BCAT1: variants seen among roughly 807,000 people sequenced by gnomAD.
BCAT1 encodes the protein branched chain amino acid transaminase 1, also known as branched-chain-amino-acid aminotransferase, cytosolic.
BCAT1 carries 48 observed loss-of-function variants against 52.4 expected under a neutral mutation model. That is an observed-to-expected ratio of 0.92 (90% CI 0.73 to 1.16). The LOEUF (loss-of-function observed/expected upper bound fraction) is 1.16. Among genes scored for constraint, BCAT1 ranks in the 50% most tolerant of loss-of-function variants. BCAT1 has a pLI of 0.00. For missense variants in BCAT1, 451 were observed against 457.1 expected, an observed-to-expected ratio of 0.99 and a Z score of 0.12; for synonymous variants, 167 against 161.3, an observed-to-expected ratio of 1.04 and a Z score of -0.27.
At chr12:24,861,729 T>C (rs1355430989) in intron 5 of BCAT1, among the ~76,000 whole-genome samples, 1 of 152,164 alleles carries the variant, frequency 6.6e-6, no homozygotes, top group Non-Finnish European at 1.5e-5. Flanking sequence ...AGGGGATAGA[T>C]AAAATGAGCT....
At chr12:24,829,977 G>T (rs2139370773) in intron 9 of BCAT1, 80 bp from the exon 10 acceptor site, 1 of 1,057,856 alleles carries the variant, frequency 9.5e-7, no homozygotes, top group Non-Finnish European at 1.4e-6. Flanking sequence ...AAGCAATTCT[G>T]CTATACTAAG....
At chr12:24,826,736 A>T (rs546212597) in intron 10 of BCAT1, among the ~76,000 whole-genome samples, 1 of 152,304 alleles carries the variant, frequency 6.6e-6, no homozygotes, top group South Asian at 2.1e-4. Context: ...TAGTATAGTC[A>T]TTTTAACAAA....
At chr12:24,822,380 T>C (rs1940175407) in intron 10 of BCAT1, among the ~76,000 whole-genome samples, 1 of 152,244 alleles carries the variant, frequency 6.6e-6, no homozygotes, top group African/African-American at 2.4e-5. Context: ...TGAGCCATAC[T>C]GGCAAGAATC....
intron 2 of BCAT1, among the ~76,000 whole-genome samples, chr12:24,895,129 A>G (rs571818897): frequency 1.7e-3 from 253 of 152,318 alleles, no homozygotes; most frequent in Non-Finnish European, 2.6e-3. Flanking sequence ...AGTAATAGGA[A>G]ACAACTCCCC....
chr12:24,842,050 G>A, intron 7 of BCAT1, 32 bp downstream of exon 7: 1 of 1,609,160 alleles, frequency 6.2e-7, no homozygotes, highest in Non-Finnish European at 8.5e-7. Flanking sequence ...AAATGACTGA[G>A]AAATGCACAC....
At chr12:24,866,578 C>T (rs931858265) in intron 5 of BCAT1, among the ~76,000 whole-genome samples, 2 of 152,232 alleles carry the variant, frequency 1.3e-5, no homozygotes, top group African/African-American at 2.4e-5. Context: ...CTAGTGGGGA[C>T]TTGGAGAATC....
At position 24,812,070 on chromosome 12, in the gene BCAT1, T is replaced by C. The variant is rs534836829; in HGVS notation, c.*5938A>G. 6.6e-6 allele frequency: 1 copy of C among 152,234 alleles called. No individual in the cohort carries two copies. Among genetic ancestry groups the C allele is most frequent in the South Asian group, 2.1e-4 (1 of 4,828 alleles). 9.4% of individuals were successfully genotyped at this position (152,234 alleles called of 1,614,324 possible). On this transcript the variant is annotated 3_prime_UTR_variant, in exon 11 of 11. Coordinates refer to ENST00000261192, the MANE Select transcript of BCAT1 (RefSeq NM_005504.7). ...GAATTTAGAAATGCATCCAGATTTG[T>C]GAGTTTATTTTTAAGACCTGACTAA...
chr12:24,913,931 G>A (rs1474240712), intron 1 of BCAT1, among the ~76,000 whole-genome samples: 1 of 152,100 alleles, frequency 6.6e-6, no homozygotes, highest in Non-Finnish European at 1.5e-5. Flanking sequence ...TTTTATGGTT[G>A]GCTTTGGGGA....
chr12:24,835,310 T>C (rs908446283), intron 8 of BCAT1, among the ~76,000 whole-genome samples: 2 of 152,188 alleles, frequency 1.3e-5, no homozygotes, highest in African/African-American at 4.8e-5. Flanking sequence ...TTTGAAAGTC[T>C]TTTCCAGAGA....
intron 1 of BCAT1, among the ~76,000 whole-genome samples, chr12:24,917,195 C>CTTTTTTTTTTT: frequency 9.7e-6 from 1 of 103,556 alleles, no homozygotes; most frequent in Non-Finnish European, 1.8e-5. Flanking sequence ...GAGCTTTGGA[C>CTTTTTTTTTTT]TTTTTTTTTT....
intron 1 of BCAT1, among the ~76,000 whole-genome samples, chr12:24,911,441 G>A (rs886437909): frequency 5.9e-5 from 9 of 152,202 alleles, no homozygotes; most frequent in Admixed American, 3.3e-4. Flanking sequence ...GACCCTGCTC[G>A]AAGTTTGTGA....
chr12:24,915,721 C>G (rs1943395881), intron 1 of BCAT1, among the ~76,000 whole-genome samples: 1 of 152,158 alleles, frequency 6.6e-6, no homozygotes, highest in Non-Finnish European at 1.5e-5. Flanking sequence ...TTACCCATGC[C>G]TAGGAGATAA....
intron 5 of BCAT1, among the ~76,000 whole-genome samples, chr12:24,876,311 T>C (rs1372705227): frequency 1.4e-5 from 2 of 145,692 alleles, no homozygotes; most frequent in African/African-American, 5.0e-5. Context: ...TAGATCAATA[T>C]ATTTCATGAA....
At chr12:24,948,791 G>T in intron 1 of BCAT1, 136 bp downstream of exon 1, 1 of 949,856 alleles carries the variant, frequency 1.1e-6, no homozygotes, top group Non-Finnish European at 1.6e-6. Flanking sequence ...AGAAGATACT[G>T]AGACGTTTGC....
chr12:24,882,993 A>C (rs1942544701), intron 3 of BCAT1, among the ~76,000 whole-genome samples: 1 of 152,150 alleles, frequency 6.6e-6, no homozygotes, highest in African/African-American at 2.4e-5. Flanking sequence ...AAGATAAAAA[A>C]GGCAACTTCA....
intron 1 of BCAT1, among the ~76,000 whole-genome samples, chr12:24,939,330 T>G (rs1943815592): frequency 6.6e-6 from 1 of 152,208 alleles, no homozygotes; most frequent in Non-Finnish European, 1.5e-5. Flanking sequence ...TAGCCATTGT[T>G]TGCTGGTCAT....
At chr12:24,948,880 T>A in intron 1 of BCAT1, 47 bp downstream of exon 1, 1 of 1,577,552 alleles carries the variant, frequency 6.3e-7, no homozygotes, top group Non-Finnish European at 8.6e-7. Context: ...CCGGTTCGAT[T>A]CACGCACACA....
At chr12:24,857,419 A>G (rs959473622) in intron 5 of BCAT1, among the ~76,000 whole-genome samples, 1 of 152,234 alleles carries the variant, frequency 6.6e-6, no homozygotes, top group Admixed American at 6.5e-5. Flanking sequence ...TGTCCTGGCT[A>G]GAGTCTGATA....
intron 5 of BCAT1, among the ~76,000 whole-genome samples, chr12:24,853,350 A>G (rs955608272): frequency 6.6e-6 from 1 of 152,252 alleles, no homozygotes; most frequent in Admixed American, 6.5e-5. Context: ...ACACAGAAAC[A>G]GAAAACCAAA....
Sources: gnomAD v4.1 joint callset for allele counts (sites outside exome capture counted in the v4.1 genomes callset) on GRCh38, gnomAD v4.1.1 for gene constraint, MANE v1.5 for transcripts, NCBI Gene and HGNC (gene_info 2026-07-23, HGNC 2026-07-21) for gene names.